The following LMF1 variants were observed in gnomAD, a reference collection of about 807,000 sequenced individuals.
LMF1 encodes the protein lipase maturation factor 1.
In LMF1, 68 loss-of-function variants were observed where a neutral mutation model predicts 60.6. The ratio of observed to expected loss-of-function variants is 1.12; its 90% CI spans 0.92 to 1.37. The LOEUF is 1.37. LMF1 is among the 40% of genes most tolerant of loss of function. LMF1 has a pLI of 0.00. For missense variants in LMF1, 948 were observed against 767.2 expected (o/e 1.24, Z -2.78); for synonymous variants, 418 against 324.7 (o/e 1.29, Z -3.09).
chr16:865,484 G>C (rs564095049), intron 10 of LMF1, among the ~76,000 whole-genome samples: 5 of 152,168 alleles, frequency 3.3e-5, no homozygotes, highest in Admixed American at 2.0e-4. Flanking sequence ...TGAGTAGCTG[G>C]GATTACAGGC....
chr16:964,966 A>G (rs1057316240), intron 1 of LMF1, among the ~76,000 whole-genome samples: 3 of 152,260 alleles, frequency 2.0e-5, no homozygotes, highest in African/African-American at 7.2e-5. Flanking sequence ...TGCGGCACGC[A>G]TGCCTCCACG....
At chr16:898,216 G>A (rs2070716235) in intron 4 of LMF1, among the ~76,000 whole-genome samples, 2 of 152,206 alleles carry the variant, frequency 1.3e-5, no homozygotes, top group Non-Finnish European at 2.9e-5. Flanking sequence ...GCAGACCAAG[G>A]GACCTGGACC....
In LMF1 at chr16:910,249, C is replaced by T. The variant is rs562690415; in HGVS notation, c.663+682G>A. On this transcript the variant is annotated intron_variant, in intron 4 of 10. Coordinates refer to ENST00000262301, the MANE Select transcript of LMF1 (RefSeq NM_022773.4). ...AACAGGGGGTTGGCATGTGATTCAC[C>T]GTTTGCAGGGCAGACGCAGATGAGC... Among the ~76,000 whole-genome samples the T allele has an allele frequency of 9.8e-5, 15 of 152,304 alleles. No individual in the cohort carries two copies. The South Asian group carries it at 2.7e-3, about 27-fold the overall frequency.
At chr16:898,212 C>T (rs2070716033) in intron 4 of LMF1, among the ~76,000 whole-genome samples, 2 of 152,242 alleles carry the variant, frequency 1.3e-5, no homozygotes, top group African/African-American at 2.4e-5. Flanking sequence ...ACTTGCAGAC[C>T]AAGGGACCTG....
In LMF1 at chr16:956,217, C is replaced by T. The variant is rs111741632; in HGVS notation, c.194-1551G>A. Among the ~76,000 whole-genome samples the T allele has an allele frequency of 7.9e-3, 691 of 87,958 alleles. 1 individual carries two copies. The highest frequency in any genetic ancestry group is 0.033 in the Middle Eastern group (4 of 120). The allele number at this position is 87,958 out of a possible 152,430, so 57.7% of individuals were successfully genotyped here. A position where few individuals can be genotyped will look rare whatever the true frequency, so the allele number is the denominator to read the frequency against. On this transcript the variant is annotated intron_variant, in intron 1 of 10. Coordinates refer to ENST00000262301, the MANE Select transcript of LMF1 (RefSeq NM_022773.4). ...ATCCACAGGTCTCCGAGTTCACGTC[C>T]CACGGCGCCCACCCCACGACGGCTC... is the stretch of plus-strand genomic sequence containing the variant.
At chr16:888,945 C>T (rs1297461093) in intron 5 of LMF1, among the ~76,000 whole-genome samples, 1 of 152,206 alleles carries the variant, frequency 6.6e-6, no homozygotes, top group Non-Finnish European at 1.5e-5. Flanking sequence ...GCTGCGCTGG[C>T]CCTGGGATCC....
chr16:890,849 C>T (rs906492003), intron 5 of LMF1, among the ~76,000 whole-genome samples: 1 of 119,742 alleles, frequency 8.4e-6, no homozygotes, highest in Non-Finnish European at 1.6e-5. Context: ...GACACTGCTG[C>T]GGCCAACCCT....
Position 864,662 on chromosome 16 carries a change from CT to C in LMF1, c.1529+4281del, listed in dbSNP as rs386364714. Among the ~76,000 whole-genome samples, 703 of 141,720 alleles carry C rather than the reference CT, an allele frequency of 5.0e-3. 1 individual carries two copies. The highest frequency in any genetic ancestry group is 7.5e-3 in the Middle Eastern group (2 of 266). The allele number at this position is 141,720 out of a possible 152,430, so 93.0% of individuals were successfully genotyped here. A position where few individuals can be genotyped will look rare whatever the true frequency, so the allele number is the denominator to read the frequency against. On this transcript the variant is annotated intron_variant, in intron 10 of 10. Transcript: ENST00000262301. ...ATTATGCATATATTTAAGTTACTATCTTTTTTTTTTTTTTTTGAGATAGGGT... is the reference window on the plus strand; with the variant it reads ...ATTATGCATATATTTAAGTTACTATCTTTTTTTTTTTTTTTGAGATAGGGT...
chr16:914,231 G>A (rs1226977049), intron 3 of LMF1, among the ~76,000 whole-genome samples: 1 of 152,068 alleles, frequency 6.6e-6, no homozygotes, highest in East Asian at 1.9e-4. Context: ...ACCCCTCCTG[G>A]GAGGGGAGCA....
chr16:929,977 C>T (rs570577734), intron 3 of LMF1, among the ~76,000 whole-genome samples: 37 of 150,656 alleles, frequency 2.5e-4, no homozygotes, highest in Non-Finnish European at 5.0e-4. Context: ...TGAACGGGGG[C>T]GCAGGACCCT....
At chr16:900,282 C>T (rs748709024) in intron 4 of LMF1, 2 of 152,188 alleles carry the variant, frequency 1.3e-5, no homozygotes, top group African/African-American at 2.4e-5. Flanking sequence ...ACACTGTGGG[C>T]TTACGTATTC....
At chr16:895,256 C>T (rs1459169899) in intron 4 of LMF1, among the ~76,000 whole-genome samples, 1 of 152,198 alleles carries the variant, frequency 6.6e-6, no homozygotes. Flanking sequence ...GCTCCAGCCT[C>T]GGTCTCCTGC....
Position 970,945 on chromosome 16 carries a change from C to CG in LMF1, c.35dup (p.Glu13GlyfsTer16). The stretch of plus-strand genomic sequence containing the variant: ...CAGTCTTCCGCCTCCTCAGCGACTC[C>CG]GCGGGCGCCGCCATTGTTGGGCTGT... On this transcript the variant is annotated frameshift_variant, in exon 1 of 11. Transcript: ENST00000262301. LOFTEE classifies it high-confidence loss of function. 1 of 1,542,164 alleles carries CG rather than the reference C, an allele frequency of 6.5e-7. No individual in the cohort carries two copies. Among genetic ancestry groups the CG allele is most frequent in the Non-Finnish European group, 8.8e-7 (1 of 1,139,512 alleles).
At chr16:981,333 AGAGAGAGAGAGAGAGTGTGTGT>A (rs2073361691), upstream of LMF1, 4 of 330,840 alleles carry the variant, frequency 1.2e-5, no homozygotes, top group East Asian at 9.7e-5. Context: ...AGAGAGAGAG[AGAGAGAGAGAGAGAGTGTGTGT>A]GTGTGTGTGT....
chr16:970,760 G>A, intron 1 of LMF1, 28 bp downstream of exon 1: 1 of 1,501,316 alleles, frequency 6.7e-7, no homozygotes, highest in South Asian at 1.2e-5. Context: ...TGACACTGGC[G>A]GATGTCCCGG....
intron 5 of LMF1, among the ~76,000 whole-genome samples, chr16:884,634 G>T (rs1057426211): frequency 1.3e-5 from 2 of 151,824 alleles, no homozygotes; most frequent in African/African-American, 2.4e-5. Context: ...AAGTGGTGAT[G>T]TTAGGTGGAG....
chr16:856,797 T>G (rs1017577058), intron 10 of LMF1, among the ~76,000 whole-genome samples: 1 of 152,174 alleles, frequency 6.6e-6, no homozygotes, highest in African/African-American at 2.4e-5. Context: ...CCGGAGGGCT[T>G]GAGAGTGTTG....
intron 10 of LMF1, chr16:855,464 G>A (rs1301788411): frequency 2.8e-6 from 1 of 356,034 alleles, no homozygotes; most frequent in Non-Finnish European, 5.5e-6. Context: ...AGCCCTCACT[G>A]GACTCTCGGA....
intron 3 of LMF1, chr16:921,313 G>A (rs1392878772): frequency 1.3e-5 from 2 of 152,316 alleles, no homozygotes; most frequent in Non-Finnish European, 2.9e-5. Context: ...CTCCTGCGGT[G>A]AACAGTCGCC....
Sources: allele counts gnomAD v4.1 joint callset (sites outside exome capture counted in the v4.1 genomes callset), GRCh38; gene constraint gnomAD v4.1.1; transcripts MANE v1.5; gene names NCBI Gene and HGNC (gene_info 2026-07-23, HGNC 2026-07-21).